The following DHX9 variants were observed in gnomAD, a reference collection of about 807,000 sequenced individuals.
DHX9 encodes the protein DExH-box helicase 9.
A neutral mutation model predicts 148.7 loss-of-function variants in DHX9; 27 were observed. That is an observed-to-expected ratio of 0.18 (90% CI 0.13 to 0.25). DHX9 has a LOEUF of 0.25. Among genes scored for constraint, DHX9 ranks in the 10% least tolerant of loss-of-function variants. The pLI is 1.00. For synonymous variants in DHX9, 529 were observed against 516.6 expected (o/e 1.02, Z -0.33); for missense variants, 796 against 1,559.6 (o/e 0.51, Z 8.25).
Position 182,860,240 on chromosome 1 carries a change from C to A in DHX9, c.1332+56C>A, listed in dbSNP as rs1244612061. ...GAGAGCAGACTATTTCTGATTCTTT[C>A]TTTGATTAACTAATTTTTGTAATTA... On this transcript the variant is annotated intron_variant, in intron 12 of 27. Coordinates refer to ENST00000367549, the MANE Select transcript of DHX9 (RefSeq NM_001357.5). The A allele has an allele frequency of 9.1e-6, 12 of 1,314,434 alleles. No homozygotes were observed. In the East Asian group the frequency reaches 2.9e-4, roughly 31 times the overall value. 81.4% of individuals were successfully genotyped at this position (1,314,434 alleles called of 1,614,324 possible). A position where few individuals can be genotyped will look rare whatever the true frequency, so the allele number is the denominator to read the frequency against.
rs368457213 is a variant in DHX9 at position 182,842,639 on chromosome 1, G to A, written c.73G>A (p.Ala25Thr). The A allele has an allele frequency of 8.1e-6, 13 of 1,613,464 alleles. No individual in the cohort carries two copies. The highest frequency in any genetic ancestry group is 1.3e-5 in the African/African-American group (1 of 74,914). ...RKMTPSYEIRAVGNKNRQKFM... is the reference protein window; with the variant it reads ...RKMTPSYEIRTVGNKNRQKFM... Reference sequence around the variant, plus strand: ...GATGACCCCATCCTATGAAATTAGAGCAGTGGGGAACAAAAACAGGCAGAA... The same window carrying A: ...GATGACCCCATCCTATGAAATTAGAACAGTGGGGAACAAAAACAGGCAGAA... Residue 25 changes from alanine to threonine, a missense_variant, in exon 2 of 28, where the codon GCA (alanine) becomes ACA (threonine). Ala to Thr is a moderately conservative substitution (Grantham distance 58). Transcript: ENST00000367549.
chr1:182,857,344 G>A (rs1286346791), intron 7 of DHX9, among the ~76,000 whole-genome samples: 1 of 152,138 alleles, frequency 6.6e-6, no homozygotes, highest in African/African-American at 2.4e-5. Flanking sequence ...TGATACAGGA[G>A]GAGAGGAAAC....
At position 182,860,169 on chromosome 1, in the gene DHX9, C is replaced by T. The variant is rs1302599874; in HGVS notation, c.1317C>T (p.Asn439=). ...FIQNDRAAEC[N]IVVTQPRRIS... is the part of the protein sequence containing the mutation. ...AGAATGACCGAGCAGCAGAGTGTAACATCGTAGTAACTCAGGTAAGTGGTA... is the reference window on the plus strand; with the variant it reads ...AGAATGACCGAGCAGCAGAGTGTAATATCGTAGTAACTCAGGTAAGTGGTA... Residue 439 remains asparagine, a synonymous_variant, in exon 12 of 28, where the codon AAC becomes AAT. Coordinates refer to ENST00000367549, the MANE Select transcript of DHX9 (RefSeq NM_001357.5). 3.1e-6 allele frequency: 5 copies of T among 1,601,940 alleles called. No homozygotes were observed. In the African/African-American group the frequency reaches 5.4e-5, roughly 17 times the overall value.
At chr1:182,864,141 A>G (rs1351852742) in intron 12 of DHX9, among the ~76,000 whole-genome samples, 1 of 152,204 alleles carries the variant, frequency 6.6e-6, no homozygotes, top group Non-Finnish European at 1.5e-5. Context: ...TTGGGATTAC[A>G]GGGACACACC....
chr1:182,844,732 C>A (rs1220115314), intron 3 of DHX9, among the ~76,000 whole-genome samples: 1 of 152,074 alleles, frequency 6.6e-6, no homozygotes, highest in African/African-American at 2.4e-5. Context: ...CGGGGTTTTA[C>A]CATTTTTTGC....
intron 12 of DHX9, among the ~76,000 whole-genome samples, chr1:182,863,321 T>G (rs528929073): frequency 8.5e-5 from 13 of 152,208 alleles, no homozygotes; most frequent in Non-Finnish European, 1.9e-4. Flanking sequence ...TTTTTGAACT[T>G]GTGTTTTTAA....
At position 182,842,564 on chromosome 1, in the gene DHX9, A is replaced by G. The variant is rs1667952223; in HGVS notation, c.-3A>G. The G allele has an allele frequency of 6.2e-7, 1 of 1,610,664 alleles. No individual in the cohort carries two copies. The highest frequency in any genetic ancestry group is 1.3e-5 in the African/African-American group (1 of 74,920). On this transcript the variant is annotated 5_prime_UTR_variant, in exon 2 of 28. Transcript: ENST00000367549. ...TCTTAGATCTGAAGAAGACACTTGA[A>G]TCATGGGTGACGTTAAAAATTTTCT...
At chr1:182,882,340 C>T (rs1018839265) in intron 24 of DHX9, among the ~76,000 whole-genome samples, 7 of 152,240 alleles carry the variant, frequency 4.6e-5, no homozygotes, top group African/African-American at 1.7e-4. Context: ...TTGTCTAGAA[C>T]AAAATATGTC....
intron 14 of DHX9, among the ~76,000 whole-genome samples, chr1:182,868,995 G>A (rs990605144): frequency 1.3e-5 from 2 of 152,138 alleles, no homozygotes; most frequent in African/African-American, 4.8e-5. Flanking sequence ...ATTGACAAAT[G>A]TTTTGATATT....
At chr1:182,847,955 C>G (rs946919425) in intron 3 of DHX9, among the ~76,000 whole-genome samples, 2 of 152,178 alleles carry the variant, frequency 1.3e-5, no homozygotes, top group African/African-American at 2.4e-5. Context: ...AAGTAATCCC[C>G]TAGGTGATTT....
intron 16 of DHX9, chr1:182,875,322 C>A: frequency 2.5e-6 from 1 of 402,092 alleles, no homozygotes; most frequent in South Asian, 1.8e-5. Context: ...CTGTGCCCCA[C>A]CCTAGATCTA....
chr1:182,849,063 G>A (rs765820755), intron 3 of DHX9, among the ~76,000 whole-genome samples: 2 of 152,180 alleles, frequency 1.3e-5, no homozygotes, highest in Non-Finnish European at 1.5e-5. Flanking sequence ...GCAGCGATAC[G>A]TAACCAAACT....
chr1:182,842,992 C>T (rs1028202627), intron 2 of DHX9, among the ~76,000 whole-genome samples: 4 of 152,010 alleles, frequency 2.6e-5, no homozygotes, highest in African/African-American at 4.8e-5. Flanking sequence ...TTGATTGCTT[C>T]AAATCAAAGT....
intron 1 of DHX9, among the ~76,000 whole-genome samples, chr1:182,840,259 T>C (rs1456477103): frequency 6.6e-6 from 1 of 150,608 alleles, no homozygotes; most frequent in African/African-American, 2.4e-5. Context: ...TGGAAGGTAG[T>C]AGATCTGGAG....
chr1:182,879,049 G>A (rs771549563), intron 20 of DHX9, among the ~76,000 whole-genome samples: 2 of 152,340 alleles, frequency 1.3e-5, no homozygotes, highest in Non-Finnish European at 2.9e-5. Flanking sequence ...AAGCTGTGAG[G>A]ATAAGTCAGA....
chr1:182,870,503 A>G (rs954314085), intron 14 of DHX9, among the ~76,000 whole-genome samples: 6 of 152,226 alleles, frequency 3.9e-5, no homozygotes, highest in East Asian at 3.8e-4. Flanking sequence ...TATATGTTAC[A>G]TGCAACATTG....
chr1:182,852,795 C>T (rs1208160829), intron 4 of DHX9, among the ~76,000 whole-genome samples: 2 of 152,172 alleles, frequency 1.3e-5, no homozygotes, highest in Non-Finnish European at 2.9e-5. Context: ...AAGAACCTAG[C>T]AGCGACATTA....
chr1:182,884,961 C>G (rs964708894), intron 27 of DHX9, 148 bp downstream of exon 27: 7 of 722,268 alleles, frequency 9.7e-6, no homozygotes, highest in Admixed American at 8.6e-5. Context: ...GTTTGATGTT[C>G]TGAGTTCTAA....
intron 1 of DHX9, among the ~76,000 whole-genome samples, chr1:182,841,910 C>T (rs190257974): frequency 3.9e-5 from 6 of 152,274 alleles, no homozygotes; most frequent in Admixed American, 3.9e-4. Flanking sequence ...TAATAGGTTA[C>T]CGTCTTCAGT....
Sources: gnomAD v4.1 joint callset for allele counts (sites outside exome capture counted in the v4.1 genomes callset) on GRCh38, gnomAD v4.1.1 for gene constraint, MANE v1.5 for transcripts, NCBI Gene and HGNC (gene_info 2026-07-23, HGNC 2026-07-21) for gene names.